Variants in ASTN2 observed in about 807,000 individuals in gnomAD.
ASTN2 encodes the protein astrotactin 2, also known as astrotactin-2.
A neutral mutation model predicts 139.8 loss-of-function variants in ASTN2; 54 were observed. The ratio of observed to expected loss-of-function variants is 0.39; its 90% CI spans 0.31 to 0.48. The LOEUF is 0.48. ASTN2 is among the 20% of genes least tolerant of loss of function. The pLI is 0.95. For missense variants in ASTN2, 1,565 were observed against 1,725.1 expected, an observed-to-expected ratio of 0.91 and a Z score of 1.64; for synonymous variants, 756 against 719.5, an observed-to-expected ratio of 1.05 and a Z score of -0.81.
rs114113802 is a variant in ASTN2 at position 116,916,317 on chromosome 9, A to C, written c.1890-52584T>G. On this transcript the variant is annotated intron_variant, in intron 10 of 22. Coordinates refer to ENST00000313400, the MANE Select transcript of ASTN2 (RefSeq NM_001365068.1). ...AGGAAGGCTGGGAGAGAGAGTGAAA[A>C]TTCACAGAGTAGCAACTTTGTCCAA... Among the ~76,000 whole-genome samples the C allele has an allele frequency of 3.6e-3, 545 of 152,302 alleles. 2 individuals carry two copies. The highest frequency in any genetic ancestry group is 0.013 in the African/African-American group (529 of 41,554).
chr9:116,927,286 T>G (rs1351097628), intron 10 of ASTN2, among the ~76,000 whole-genome samples: 1 of 152,176 alleles, frequency 6.6e-6, no homozygotes, highest in Non-Finnish European at 1.5e-5. Flanking sequence ...TGGTTTCTAC[T>G]GTTAAAGGAG....
intron 19 of ASTN2, among the ~76,000 whole-genome samples, chr9:116,526,372 G>A (rs1380810416): frequency 6.6e-6 from 1 of 152,152 alleles, no homozygotes; most frequent in Non-Finnish European, 1.5e-5. Flanking sequence ...AGCACTTTGG[G>A]CGGCCAAGGT....
intron 5 of ASTN2, among the ~76,000 whole-genome samples, chr9:117,052,022 G>A (rs1469088496): frequency 6.6e-6 from 1 of 152,168 alleles, no homozygotes; most frequent in Non-Finnish European, 1.5e-5. Flanking sequence ...AAAGAAAATT[G>A]ACTTTAGAAT....
In ASTN2 at chr9:116,696,695, G is replaced by T. The variant is rs547167046; in HGVS notation, c.2806+29076C>A. Among the ~76,000 whole-genome samples, 22 of 151,870 alleles carry T rather than the reference G, an allele frequency of 1.4e-4. 2 individuals carry two copies. In the South Asian group the frequency reaches 4.4e-3, roughly 30 times the overall value. ...TGCCTTCATTATTATTTACCTACAT[G>T]TCTTGTCTTTTATAAAGTTTGAATA... is the stretch of plus-strand genomic sequence containing the variant. On this transcript the variant is annotated intron_variant, in intron 16 of 22. Transcript: ENST00000313400.
intron 1 of ASTN2, among the ~76,000 whole-genome samples, chr9:117,309,508 C>G (rs1827900719): frequency 6.6e-6 from 1 of 152,100 alleles, no homozygotes; most frequent in South Asian, 2.1e-4. Context: ...AACTCTTCAC[C>G]CTGATATTGC....
At chr9:116,771,770 C>T (rs920296332) in intron 13 of ASTN2, among the ~76,000 whole-genome samples, 4 of 152,174 alleles carry the variant, frequency 2.6e-5, no homozygotes, top group African/African-American at 9.7e-5. Context: ...GGATCAAGTG[C>T]CAGGCTCTCA....
chr9:116,577,451 G>A (rs1370180687), intron 19 of ASTN2, among the ~76,000 whole-genome samples: 2 of 146,712 alleles, frequency 1.4e-5, no homozygotes, highest in Non-Finnish European at 3.0e-5. Context: ...GATCACTTGA[G>A]CCCGGGGGAG....
chr9:116,845,435 C>A (rs1054231365), intron 11 of ASTN2, among the ~76,000 whole-genome samples: 1 of 152,090 alleles, frequency 6.6e-6, no homozygotes, highest in Non-Finnish European at 1.5e-5. Flanking sequence ...TGAGAGTTCC[C>A]GACTTCAGGA....
At chr9:116,656,253 T>TG (rs1469015417) in intron 16 of ASTN2, among the ~76,000 whole-genome samples, 2 of 152,208 alleles carry the variant, frequency 1.3e-5, no homozygotes, top group East Asian at 3.9e-4. Flanking sequence ...CAAGCATCGA[T>TG]GAACCTAAGA....
chr9:116,745,290 A>G (rs2132144536), intron 13 of ASTN2, among the ~76,000 whole-genome samples: 1 of 152,334 alleles, frequency 6.6e-6, no homozygotes, highest in South Asian at 2.1e-4. Context: ...AGGGTTAGGC[A>G]GAGTGACCTC....
At chr9:116,931,923 T>C (rs1197793009) in intron 10 of ASTN2, among the ~76,000 whole-genome samples, 1 of 151,976 alleles carries the variant, frequency 6.6e-6, no homozygotes, top group African/African-American at 2.4e-5. Context: ...ATCCAGGCAG[T>C]GGCAATAGCA....
rs4837885 is a variant in ASTN2 at position 116,798,219 on chromosome 9, C to T, written c.2396+7413G>A. On this transcript the variant is annotated intron_variant, in intron 13 of 22. Transcript: ENST00000313400. ...CCAGGAGGCATAGGTTGCAGTGAGC[C>T]AAGATCATGCCACTGCACGCCAGCC... Among the ~76,000 whole-genome samples, 623 of 152,320 alleles carry T rather than the reference C, an allele frequency of 4.1e-3. 12 individuals carry two copies. Among genetic ancestry groups the T allele is most frequent in the Admixed American group, 0.036 (552 of 15,302 alleles).
intron 10 of ASTN2, among the ~76,000 whole-genome samples, chr9:116,883,643 C>G (rs1018218615): frequency 2.6e-5 from 4 of 152,164 alleles, no homozygotes; most frequent in African/African-American, 9.7e-5. Context: ...CTCGGCCTTC[C>G]TAAGTGGCAT....
chr9:116,699,643 A>G lies in ASTN2; in HGVS notation c.2806+26128T>C. The G allele has an allele frequency of 6.2e-7, 1 of 1,614,024 alleles. No individual in the cohort carries two copies. The highest frequency in any genetic ancestry group is 8.5e-7 in the Non-Finnish European group (1 of 1,179,988). The stretch of plus-strand genomic sequence containing the variant: ...CCTAAGGGGCAGCTGCTGGTCTTGG[A>G]CTGTTGGGATCATTGCATCAAGATC... On this transcript the variant is annotated intron_variant, in intron 16 of 22. Coordinates refer to ENST00000313400, the MANE Select transcript of ASTN2 (RefSeq NM_001365068.1). The surrounding 1 kb of genome is among the most constrained non-coding windows in gnomAD (Gnocchi z 4.2).
chr9:116,706,860 T>C (rs1227429440), intron 16 of ASTN2, among the ~76,000 whole-genome samples: 3 of 151,432 alleles, frequency 2.0e-5, no homozygotes, highest in Middle Eastern at 3.4e-3. Flanking sequence ...AAGCTTCTGT[T>C]ATAGATGTGC....
intron 13 of ASTN2, among the ~76,000 whole-genome samples, chr9:116,735,829 T>C (rs1407101903): frequency 6.6e-6 from 1 of 152,224 alleles, no homozygotes; most frequent in African/African-American, 2.4e-5. Flanking sequence ...CACTGCATCC[T>C]AGCTGTGTAA....
At chr9:116,534,230 C>T (rs966407930) in intron 19 of ASTN2, among the ~76,000 whole-genome samples, 5 of 151,862 alleles carry the variant, frequency 3.3e-5, no homozygotes, top group African/African-American at 1.2e-4. Flanking sequence ...TTTTTTATTG[C>T]GTCTATTAGA....
intron 5 of ASTN2, among the ~76,000 whole-genome samples, chr9:117,092,047 A>G (rs78663379): frequency 0.02 from 3,022 of 152,258 alleles, 81 homozygotes; most frequent in Admixed American, 0.076. Flanking sequence ...AATCTTCACA[A>G]TGACCCTGTG....
At chr9:116,962,174 T>C (rs16934121) in intron 10 of ASTN2, among the ~76,000 whole-genome samples, 9,114 of 152,296 alleles carry the variant, frequency 0.06, 812 homozygotes, top group African/African-American at 0.2. Flanking sequence ...CTCTGTTGAT[T>C]CTAGGAAATG....
Sources: allele counts gnomAD v4.1 joint callset (sites outside exome capture counted in the v4.1 genomes callset), GRCh38; gene constraint gnomAD v4.1.1; non-coding constraint Gnocchi (gnomAD v3.1); transcripts MANE v1.5; gene names NCBI Gene and HGNC (gene_info 2026-07-23, HGNC 2026-07-21).